NAA15: variants seen among roughly 807,000 people sequenced by gnomAD.
The protein encoded by NAA15 is N-terminal acetyltransferase.
In NAA15, 34 loss-of-function variants were observed where a neutral mutation model predicts 114.0. The ratio of observed to expected loss-of-function variants is 0.30; its 90% CI spans 0.23 to 0.40. The LOEUF (loss-of-function observed/expected upper bound fraction) is 0.40. NAA15 is among the 10% of genes least tolerant of loss of function. The pLI, the probability that NAA15 is intolerant of heterozygous loss-of-function variation, is 1.00. For synonymous variants in NAA15, 340 were observed against 338.0 expected (o/e 1.01, Z -0.06); for missense variants, 658 against 1,004.5 (o/e 0.66, Z 4.66).
intron 1 of NAA15, 33 bp from the exon 2 acceptor site, chr4:139,334,141 C>G: frequency 7.0e-7 from 1 of 1,423,288 alleles, no homozygotes; most frequent in South Asian, 1.3e-5. Flanking sequence ...GTATTCCTTG[C>G]TAAACTTAAA....
At chr4:139,339,855 G>A (rs1037111501) in intron 3 of NAA15, among the ~76,000 whole-genome samples, 2 of 152,176 alleles carry the variant, frequency 1.3e-5, no homozygotes, top group African/African-American at 2.4e-5. Flanking sequence ...TGGGTAGCTG[G>A]TACAGTAATC....
intron 3 of NAA15, among the ~76,000 whole-genome samples, chr4:139,338,384 T>A (rs1248817046): frequency 3.3e-5 from 5 of 152,220 alleles, no homozygotes; most frequent in Admixed American, 1.3e-4. Context: ...TAAAAATGTG[T>A]AATATTAAAT....
At chr4:139,376,281 TAA>T in intron 15 of NAA15, 82 bp from the exon 16 acceptor site, 1 of 864,114 alleles carries the variant, frequency 1.2e-6, no homozygotes, top group African/African-American at 1.7e-5. Context: ...TTTTATTTTT[TAA>T]AAATAAGAAT....
intron 14 of NAA15, among the ~76,000 whole-genome samples, chr4:139,366,168 C>T (rs1203391030): frequency 6.6e-6 from 1 of 151,994 alleles, no homozygotes; most frequent in African/African-American, 2.4e-5. Flanking sequence ...TTAAAATAAC[C>T]CTTTTTTTGG....
chr4:139,326,964 C>CTG (rs1746822206), intron 1 of NAA15, among the ~76,000 whole-genome samples: 2 of 152,054 alleles, frequency 1.3e-5, no homozygotes, highest in African/African-American at 4.8e-5. Flanking sequence ...AACAGAGTCT[C>CTG]TCTGTGTCTT....
chr4:139,345,541 A>G (rs933034358), intron 6 of NAA15, among the ~76,000 whole-genome samples: 1 of 152,218 alleles, frequency 6.6e-6, no homozygotes, highest in Admixed American at 6.5e-5. Flanking sequence ...ATTTTTAGCA[A>G]TTTAGAAGTC....
chr4:139,340,778 A>G (rs1747357228), intron 3 of NAA15, 134 bp from the exon 4 acceptor site: 1 of 605,770 alleles, frequency 1.7e-6, no homozygotes, highest in Non-Finnish European at 2.7e-6. Flanking sequence ...CTTTGAAATC[A>G]ATCTCCCCCT....
chr4:139,344,389 C>A (rs1747511222), intron 6 of NAA15, 50 bp downstream of exon 6: 1 of 1,482,374 alleles, frequency 6.7e-7, no homozygotes, highest in Admixed American at 2.0e-5. Context: ...TATGACAGAG[C>A]AAGGCTGAAA....
chr4:139,318,675 G>A (rs919944305), intron 1 of NAA15, among the ~76,000 whole-genome samples: 19 of 152,014 alleles, frequency 1.2e-4, no homozygotes, highest in South Asian at 4.2e-4. Flanking sequence ...CCAACACAGC[G>A]AAACTCCGTC....
At chr4:139,313,892 A>G (rs991903740) in intron 1 of NAA15, among the ~76,000 whole-genome samples, 1 of 151,900 alleles carries the variant, frequency 6.6e-6, no homozygotes, top group Non-Finnish European at 1.5e-5. Flanking sequence ...GTATCGGGAC[A>G]TGGAGATTCC....
intron 1 of NAA15, among the ~76,000 whole-genome samples, chr4:139,327,635 T>C (rs771785764): frequency 1.3e-5 from 2 of 152,092 alleles, no homozygotes; most frequent in Non-Finnish European, 2.9e-5. Flanking sequence ...GTTGGAAGGA[T>C]TGGATCAGAT....
chr4:139,355,991 C>T (rs1747937325), intron 10 of NAA15, among the ~76,000 whole-genome samples: 1 of 152,062 alleles, frequency 6.6e-6, no homozygotes, highest in Non-Finnish European at 1.5e-5. Context: ...ATTTTTTCTC[C>T]CCACTCCCTC....
intron 9 of NAA15, among the ~76,000 whole-genome samples, chr4:139,352,802 C>T (rs780997466): frequency 7.3e-5 from 11 of 150,866 alleles, no homozygotes; most frequent in Non-Finnish European, 4.4e-5. Flanking sequence ...CAAGTAGCTG[C>T]GATTACAGGC....
chr4:139,324,272 G>A (rs986742332), intron 1 of NAA15, among the ~76,000 whole-genome samples: 2 of 152,224 alleles, frequency 1.3e-5, no homozygotes, highest in Non-Finnish European at 2.9e-5. Context: ...AAAAACAATA[G>A]CCTGCATTAT....
At chr4:139,377,017 G>T (rs999056120) in intron 16 of NAA15, among the ~76,000 whole-genome samples, 1 of 152,098 alleles carries the variant, frequency 6.6e-6, no homozygotes, top group African/African-American at 2.4e-5. Flanking sequence ...TGGTTTCCAG[G>T]TTTAGAATGC....
In NAA15 at chr4:139,310,807, C is replaced by T. The variant is rs534485922; in HGVS notation, c.54+8976C>T. 7.3e-4 allele frequency among the ~76,000 whole-genome samples: 110 copies of T among 151,678 alleles called. 1 individual carries two copies. Among genetic ancestry groups the T allele is most frequent in the African/African-American group, 2.2e-3 (91 of 41,298 alleles). On this transcript the variant is annotated intron_variant, in intron 1 of 19. Transcript: ENST00000296543. ...CTAATTTTTGTATTTTTAGTACAGG[C>T]GGGGTTTCACCATGTTGGCCAGGCT...
At chr4:139,321,219 G>A (rs1156448148) in intron 1 of NAA15, among the ~76,000 whole-genome samples, 1 of 151,412 alleles carries the variant, frequency 6.6e-6, no homozygotes, top group East Asian at 1.9e-4. Flanking sequence ...ATTTGCTCTT[G>A]TTTTTTCTAA....
rs775957552 is a variant in NAA15, at chr4:139,361,905, C to T, written c.1721C>T (p.Thr574Ile). The T allele has an allele frequency of 2.5e-6, 4 of 1,613,336 alleles. No individual in the cohort carries two copies. Among genetic ancestry groups the T allele is most frequent in the Non-Finnish European group, 3.4e-6 (4 of 1,179,660 alleles). The change falls in exon 14 of 20, where the codon ACA becomes ATA. Residue 574 changes from threonine (T) to isoleucine (I), a missense_variant. Physicochemically the swap from Thr to Ile is moderately conservative, Grantham distance 89 (BLOSUM62 -1). Around this residue, in one of 6 missense-constraint regions of NAA15, gnomAD observed 275 missense variants for 371.1 expected, o/e 0.74. Coordinates refer to ENST00000296543, the MANE Select transcript of NAA15 (RefSeq NM_057175.5). The stretch of plus-strand genomic sequence containing the variant: ...TTGAAGCTTCATGACAACCCCCTTA[C>T]AGATGAGAATAAAGAACACGAAGCT... ...IYLKLHDNPL[T>I]DENKEHEADT...
At chr4:139,325,575 A>C (rs1263180397) in intron 1 of NAA15, among the ~76,000 whole-genome samples, 1 of 152,246 alleles carries the variant, frequency 6.6e-6, no homozygotes, top group Non-Finnish European at 1.5e-5. Context: ...AAAAATACCA[A>C]TTGGAATCCT....
Sources: gnomAD v4.1 joint callset for allele counts (sites outside exome capture counted in the v4.1 genomes callset) on GRCh38, gnomAD v4.1.1 for gene constraint, gnomAD v4.1.1 regional missense constraint, MANE v1.5 for transcripts, NCBI Gene and HGNC (gene_info 2026-07-23, HGNC 2026-07-21) for gene names.